Variants in SMG6 observed in about 807,000 individuals in gnomAD.
The protein encoded by SMG6 is SMG6 nonsense mediated mRNA decay factor.
A neutral mutation model predicts 142.2 loss-of-function variants in SMG6; 66 were observed. The observed-to-expected ratio is 0.46, with a 90% confidence interval of 0.38 to 0.57. The LOEUF (loss-of-function observed/expected upper bound fraction) is 0.57, where lower values mean the gene tolerates loss of function less well. Among genes scored for constraint, SMG6 ranks in the 20% least tolerant of loss-of-function variants. SMG6 has a pLI of 0.00. For missense variants in SMG6, 1,793 were observed against 1,832.0 expected (o/e 0.98, Z 0.39); for synonymous variants, 779 against 702.4 (o/e 1.11, Z -1.72).
chr17:2,061,441 G>A lies in SMG6; in HGVS notation c.*51C>T. 6.5e-7 allele frequency: 1 copy of A among 1,529,808 alleles called. No individual in the cohort carries two copies. The highest frequency in any genetic ancestry group is 8.8e-7 in the Non-Finnish European group (1 of 1,139,584). 94.8% of individuals were successfully genotyped at this position (1,529,808 alleles called of 1,614,324 possible). A position where few individuals can be genotyped will look rare whatever the true frequency, so the allele number is the denominator to read the frequency against. ...ATCTTCCGTGCTACACTGGGCGCCT[G>A]GTGGCCTTTCAGGAACGGTTCCACG... On this transcript the variant is annotated 3_prime_UTR_variant, in exon 19 of 19. Coordinates refer to ENST00000263073, the MANE Select transcript of SMG6 (RefSeq NM_017575.5).
chr17:2,088,087 C>G (rs1286969433), intron 13 of SMG6: 3 of 985,304 alleles, frequency 3.0e-6, no homozygotes, highest in Non-Finnish European at 3.6e-6. Flanking sequence ...CTTGGCCTCA[C>G]CTGGACGATG....
At chr17:2,083,842 C>T (rs1049664982) in intron 14 of SMG6, among the ~76,000 whole-genome samples, 8 of 152,132 alleles carry the variant, frequency 5.3e-5, no homozygotes, top group African/African-American at 1.2e-4. Context: ...TCACAGTAAA[C>T]GAGGAAGTGC....
intron 10 of SMG6, among the ~76,000 whole-genome samples, chr17:2,189,770 C>T (rs1206691900): frequency 1.3e-5 from 2 of 151,684 alleles, no homozygotes; most frequent in African/African-American, 4.9e-5. Flanking sequence ...CAAAGCCAGC[C>T]CCAACCCACT....
In SMG6 at chr17:2,299,469, C is replaced by A. The variant is rs763042110; in HGVS notation, c.1284G>T (p.Ala428=). Residue 428 remains alanine, a synonymous_variant, in exon 2 of 19, where the codon GCG becomes GCT. Coordinates refer to ENST00000263073, the MANE Select transcript of SMG6 (RefSeq NM_017575.5). The surrounding 1 kb of genome is among the most constrained non-coding windows in gnomAD (Gnocchi z 4.3). ...SVNSAGSPES[A]PLGPRLLFGS... The stretch of plus-strand genomic sequence containing the variant: ...CAAACAAAAGCCGAGGTCCCAAAGG[C>A]GCGGACTCTGGAGAACCTGCTGAAT... The A allele has an allele frequency of 6.2e-7, 1 of 1,614,160 alleles. No individual in the cohort carries two copies. Among genetic ancestry groups the A allele is most frequent in the Non-Finnish European group, 8.5e-7 (1 of 1,180,028 alleles).
At chr17:2,080,111 A>C (rs1042720099) in intron 15 of SMG6, among the ~76,000 whole-genome samples, 1 of 142,056 alleles carries the variant, frequency 7.0e-6, no homozygotes, top group Non-Finnish European at 1.5e-5. Flanking sequence ...AAACAAAACA[A>C]AACAAAACAA....
chr17:2,293,540 G>A (rs1351504894), intron 4 of SMG6, among the ~76,000 whole-genome samples: 2 of 152,178 alleles, frequency 1.3e-5, no homozygotes, highest in African/African-American at 4.8e-5. Context: ...CGTGATCTCA[G>A]CTCACTGCAA....
At chr17:2,288,740 G>A (rs2074963742) in intron 6 of SMG6, among the ~76,000 whole-genome samples, 1 of 151,704 alleles carries the variant, frequency 6.6e-6, no homozygotes, top group Non-Finnish European at 1.5e-5. Flanking sequence ...AGACCAGCCT[G>A]GATAACATGG....
chr17:2,237,412 G>T, intron 9 of SMG6: 2 of 635,212 alleles, frequency 3.1e-6, no homozygotes, highest in Non-Finnish European at 3.9e-6. Flanking sequence ...ACCAGACATA[G>T]TTCTGCTATT....
chr17:2,219,036 T>G (rs2073098276), intron 10 of SMG6, among the ~76,000 whole-genome samples: 1 of 152,242 alleles, frequency 6.6e-6, no homozygotes. Flanking sequence ...ATTCTGCCAT[T>G]TATTCAACAA....
At chr17:2,282,296 C>A (rs1462142119) in intron 8 of SMG6, among the ~76,000 whole-genome samples, 8 of 149,102 alleles carry the variant, frequency 5.4e-5, no homozygotes, top group Non-Finnish European at 1.5e-5. Flanking sequence ...TTAGTTCATT[C>A]TCGGAATATA....
intron 13 of SMG6, among the ~76,000 whole-genome samples, chr17:2,113,312 G>A (rs568311716): frequency 6.6e-6 from 1 of 152,112 alleles, no homozygotes; most frequent in Admixed American, 6.5e-5. Flanking sequence ...CTGGGCTCAA[G>A]TGATCCACCC....
chr17:2,249,135 C>A (rs538748993), intron 8 of SMG6, among the ~76,000 whole-genome samples: 1 of 151,902 alleles, frequency 6.6e-6, no homozygotes, highest in Non-Finnish European at 1.5e-5. Flanking sequence ...CCTTGTGATC[C>A]GCCCGCCTTG....
chr17:2,165,218 C>T (rs1275393533), intron 13 of SMG6, among the ~76,000 whole-genome samples: 6 of 151,974 alleles, frequency 3.9e-5, no homozygotes, highest in African/African-American at 7.3e-5. Flanking sequence ...GACAGAATTT[C>T]TTCTTCACAT....
At chr17:2,147,425 G>GTA (rs1286900352) in intron 13 of SMG6, among the ~76,000 whole-genome samples, 4 of 151,992 alleles carry the variant, frequency 2.6e-5, no homozygotes, top group African/African-American at 7.3e-5. Context: ...GGCCACACAA[G>GTA]TAGCTTATAG....
intron 12 of SMG6, among the ~76,000 whole-genome samples, chr17:2,173,856 T>G (rs370459968): frequency 1.1e-3 from 156 of 143,300 alleles, no homozygotes; most frequent in African/African-American, 3.7e-3. Flanking sequence ...TTTTTTTTTT[T>G]TTTTTTTTTT....
intron 8 of SMG6, among the ~76,000 whole-genome samples, chr17:2,253,841 G>A (rs376725527): frequency 1.3e-3 from 200 of 152,208 alleles, no homozygotes; most frequent in African/African-American, 4.6e-3. Flanking sequence ...CACTCCAAAG[G>A]CTACAGAGAA....
chr17:2,258,030 A>ATATATAT lies in SMG6; in HGVS notation c.2662-13312_2662-13311insATATATA, dbSNP rs1160775733. Among the ~76,000 whole-genome samples, 14 of 110,888 alleles carry ATATATAT rather than the reference A, an allele frequency of 1.3e-4. 1 individual carries two copies. The highest frequency in any genetic ancestry group is 4.1e-4 in the African/African-American group (13 of 31,432). The allele number at this position is 110,888 out of a possible 152,430, so 72.7% of individuals were successfully genotyped here. ...TCGCAAAAAAAAAAAAAAAAAAAAA[A>ATATATAT]AAAAATATACACACACACACACACA... On this transcript the variant is annotated intron_variant, in intron 8 of 18. Coordinates refer to ENST00000263073, the MANE Select transcript of SMG6 (RefSeq NM_017575.5).
chr17:2,250,643 T>TAA (rs1427950287), intron 8 of SMG6, among the ~76,000 whole-genome samples: 1 of 152,040 alleles, frequency 6.6e-6, no homozygotes, highest in Non-Finnish European at 1.5e-5. Context: ...CTCACCCTCC[T>TAA]AAAGTAGTGG....
At chr17:2,198,495 T>C (rs1567676559) in intron 10 of SMG6, among the ~76,000 whole-genome samples, 1 of 152,222 alleles carries the variant, frequency 6.6e-6, no homozygotes. Context: ...AAGTGCAAGA[T>C]AACTTGTGAA....
Sources: gnomAD v4.1 joint callset for allele counts (sites outside exome capture counted in the v4.1 genomes callset) on GRCh38, gnomAD v4.1.1 for gene constraint, Gnocchi (gnomAD v3.1) non-coding constraint, MANE v1.5 for transcripts, NCBI Gene and HGNC (gene_info 2026-07-23, HGNC 2026-07-21) for gene names.